The following PI4KA variants were observed in gnomAD, a reference collection of about 807,000 sequenced individuals.
The protein encoded by PI4KA is phosphatidylinositol 4-kinase alpha, also known as PI4-kinase alpha.
PI4KA carries 122 observed loss-of-function variants against 271.4 expected under a neutral mutation model. The ratio of observed to expected loss-of-function variants is 0.45; its 90% CI spans 0.39 to 0.52. PI4KA has a LOEUF of 0.52. PI4KA is among the 20% of genes least tolerant of loss of function. The pLI is 0.00. For synonymous variants in PI4KA, 1,041 were observed against 1,078.8 expected (o/e 0.96, Z 0.69); for missense variants, 1,969 against 2,769.1 (o/e 0.71, Z 6.48).
chr22:20,729,240 G>T (rs979514025), intron 39 of PI4KA, 73 bp downstream of exon 39: 7 of 1,352,038 alleles, frequency 5.2e-6, no homozygotes, highest in South Asian at 2.7e-5. Flanking sequence ...GAGAACTCAT[G>T]ACCCAGCTGG....
chr22:20,731,309 G>T (rs905573679), intron 36 of PI4KA, among the ~76,000 whole-genome samples: 25 of 152,254 alleles, frequency 1.6e-4, no homozygotes, highest in Non-Finnish European at 4.4e-5. Context: ...TGTGGGGGCA[G>T]ACTGTAAGGA....
In PI4KA at chr22:20,712,967, T is replaced by C. The variant is rs545489202; in HGVS notation, c.5572-170A>G. The C allele has an allele frequency of 1.2e-3, 806 of 664,970 alleles. 3 individuals carry two copies. Among genetic ancestry groups the C allele is most frequent in the African/African-American group, 0.011 (623 of 54,598 alleles). The allele number at this position is 664,970 out of a possible 1,614,324, so 41.2% of individuals were successfully genotyped here. ...CCTTTCTGACCACCGGGGGCTGGAC[T>C]CAGGCTGCTGGGACCACCAGGCCCT... is the stretch of plus-strand genomic sequence containing the variant. On this transcript the variant is annotated intron_variant, in intron 48 of 54. Transcript: ENST00000255882.
rs546238389 is a variant in PI4KA, at chr22:20,780,653, G to A, written c.2328+12540C>T. On this transcript the variant is annotated intron_variant, in intron 19 of 54. Coordinates refer to ENST00000255882, the MANE Select transcript of PI4KA (RefSeq NM_058004.4). ...TAGCTGGGCCTGGCGGTGGGTGCCT[G>A]TACTCCCAGCTACTTGGGAGGCTGA... is the stretch of plus-strand genomic sequence containing the variant. Among the ~76,000 whole-genome samples, 5 of 151,930 alleles carry A rather than the reference G, an allele frequency of 3.3e-5. No individual in the cohort carries two copies. In the South Asian group the frequency reaches 1.0e-3, roughly 32 times the overall value.
Position 20,831,955 on chromosome 22 carries a change from C to A in PI4KA, c.367+2607G>T, listed in dbSNP as rs1429378006. Among the ~76,000 whole-genome samples the A allele has an allele frequency of 2.6e-5, 4 of 152,156 alleles. No individual in the cohort carries two copies. In the East Asian group the frequency reaches 7.7e-4, roughly 29 times the overall value. On this transcript the variant is annotated intron_variant, in intron 3 of 54. Transcript: ENST00000255882. ...TTTCTCTCTCCCTATCTTTCAGGGA[C>A]ACCAATGAGTTGTATATTTGGTCTC...
At chr22:20,774,159 C>T (rs1933055882) in intron 19 of PI4KA, 1 of 152,194 alleles carries the variant, frequency 6.6e-6, no homozygotes, top group Non-Finnish European at 1.5e-5. Context: ...AGTTGGGTTT[C>T]TAATGTTTCT....
rs1055803955 is a variant in PI4KA at position 20,747,517 on chromosome 22, G to A, written c.3363+66C>T. 17 of 1,565,278 alleles carry A rather than the reference G, an allele frequency of 1.1e-5. No individual in the cohort carries two copies. In the South Asian group the frequency reaches 1.3e-4, roughly 12 times the overall value. Reference sequence around the variant, plus strand: ...ATGAAAAGCGACAGCCGAGCTCTAAGCCTTCCCCTGCACTGTGGCTCCTAT... The same window carrying A: ...ATGAAAAGCGACAGCCGAGCTCTAAACCTTCCCCTGCACTGTGGCTCCTAT... On this transcript the variant is annotated intron_variant, in intron 29 of 54. Coordinates refer to ENST00000255882, the MANE Select transcript of PI4KA (RefSeq NM_058004.4).
chr22:20,837,605 C>T (rs959032695), intron 2 of PI4KA, among the ~76,000 whole-genome samples: 8 of 151,986 alleles, frequency 5.3e-5, no homozygotes, highest in African/African-American at 1.9e-4. Context: ...AAATATCTAA[C>T]ATCTTTATTT....
Position 20,840,243 on chromosome 22 carries a change from A to T in PI4KA, c.157-1512T>A, listed in dbSNP as rs1469318434. Among the ~76,000 whole-genome samples the T allele has an allele frequency of 3.3e-5, 5 of 152,334 alleles. No homozygotes were observed. The South Asian group carries it at 1.0e-3, about 32-fold the overall frequency. On this transcript the variant is annotated intron_variant, in intron 1 of 54. Transcript: ENST00000255882. The stretch of plus-strand genomic sequence containing the variant: ...AATGTGATCAGGGAGGGCCTCTCTA[A>T]GATGGTTCCTTAAATTGGGATCTGA...
intron 1 of PI4KA, among the ~76,000 whole-genome samples, chr22:20,840,833 C>A (rs961086435): frequency 6.6e-6 from 1 of 152,012 alleles, no homozygotes; most frequent in Non-Finnish European, 1.5e-5. Flanking sequence ...CTGGGCAACA[C>A]AGTAAGACCC....
intron 9 of PI4KA, among the ~76,000 whole-genome samples, chr22:20,808,132 A>C (rs1041864486): frequency 6.6e-6 from 1 of 151,882 alleles, no homozygotes; most frequent in East Asian, 1.9e-4. Context: ...CTCTACTAAA[A>C]ATACAAAATT....
chr22:20,770,408 GAGGCTGAGGC>G (rs1182848688), intron 19 of PI4KA, among the ~76,000 whole-genome samples: 4 of 150,964 alleles, frequency 2.6e-5, no homozygotes, highest in Non-Finnish European at 4.4e-5. Flanking sequence ...AGCTACTTGG[GAGGCTGAGGC>G]AGGAGAATCG....
At chr22:20,740,372 GT>G (rs1447784749) in intron 32 of PI4KA, among the ~76,000 whole-genome samples, 2 of 150,728 alleles carry the variant, frequency 1.3e-5, no homozygotes, top group Admixed American at 1.3e-4. Context: ...ACTAATATAT[GT>G]GTACCTGGAA....
At chr22:20,844,955 T>C (rs1926060397) in intron 1 of PI4KA, among the ~76,000 whole-genome samples, 1 of 152,094 alleles carries the variant, frequency 6.6e-6, no homozygotes, top group South Asian at 2.1e-4. Flanking sequence ...ACTAGCAAGT[T>C]GTTTGTTTTT....
In PI4KA at chr22:20,733,080, A is replaced by C. The variant is rs1254375425; in HGVS notation, c.4179T>G (p.Pro1393=). The C allele has an allele frequency of 3.4e-5, 54 of 1,611,904 alleles. No individual in the cohort carries two copies. The highest frequency in any genetic ancestry group is 4.5e-5 in the Non-Finnish European group (53 of 1,179,870). ...CACGCAGCCGCTTCTCTCCTTGAGT[A>C]GGGAACTTTGGGGGACAGCTTCAAA... ...FDYFSCPPKF[P]TQGEKRLRED... Residue 1393 remains proline (P), a synonymous_variant, in exon 36 of 55, where the codon CCT becomes CCG. Coordinates refer to ENST00000255882, the MANE Select transcript of PI4KA (RefSeq NM_058004.4).
At chr22:20,740,886 A>G (rs574722754) in intron 32 of PI4KA, among the ~76,000 whole-genome samples, 21 of 152,254 alleles carry the variant, frequency 1.4e-4, no homozygotes, top group Non-Finnish European at 2.9e-4. Context: ...TGCATCAAAG[A>G]TGAAGGTGAA....
chr22:20,810,932 C>G lies in PI4KA; in HGVS notation c.1071+35G>C, dbSNP rs1056347624. The G allele has an allele frequency of 7.3e-6, 11 of 1,508,618 alleles. No individual in the cohort carries two copies. The African/African-American group carries it at 1.4e-4, about 19-fold the overall frequency. The allele number at this position is 1,508,618 out of a possible 1,614,324, so 93.5% of individuals were successfully genotyped here. A position where few individuals can be genotyped will look rare whatever the true frequency, so the allele number is the denominator to read the frequency against. On this transcript the variant is annotated intron_variant, in intron 9 of 54. Coordinates refer to ENST00000255882, the MANE Select transcript of PI4KA (RefSeq NM_058004.4). ...TTTCTCTACACACGTTTAAGTCAGG[C>G]TGATCTCATGGTAATGCCCTCAGAA...
intron 40 of PI4KA, 21 bp from the exon 41 acceptor site, chr22:20,727,418 T>C: frequency 6.3e-7 from 1 of 1,585,144 alleles, no homozygotes. Flanking sequence ...GGTGGGGAGA[T>C]GCTGTGGCTT....
chr22:20,733,963 G>C (rs1315738193), intron 34 of PI4KA, 80 bp downstream of exon 34: 14 of 1,522,082 alleles, frequency 9.2e-6, no homozygotes, highest in Non-Finnish European at 1.2e-5. Context: ...CCCGTCTACA[G>C]AAGTACCGTG....
At chr22:20,797,140 G>A (rs1935035512) in intron 17 of PI4KA, among the ~76,000 whole-genome samples, 2 of 152,158 alleles carry the variant, frequency 1.3e-5, no homozygotes, top group South Asian at 4.1e-4. Flanking sequence ...CGGCAGCCAC[G>A]GCAAAAGGCA....
Sources: gnomAD v4.1 joint callset for allele counts (sites outside exome capture counted in the v4.1 genomes callset) on GRCh38, gnomAD v4.1.1 for gene constraint, MANE v1.5 for transcripts, NCBI Gene and HGNC (gene_info 2026-07-23, HGNC 2026-07-21) for gene names.